The following DSCAM variants were observed in gnomAD, a reference collection of about 807,000 sequenced individuals.
DSCAM encodes cell adhesion molecule DSCAM.
DSCAM carries 47 observed loss-of-function variants against 217.7 expected under a neutral mutation model. The ratio of observed to expected loss-of-function variants is 0.22; its 90% CI spans 0.17 to 0.28. The LOEUF is 0.28. DSCAM is among the 10% of genes least tolerant of loss of function. The probability of loss-of-function intolerance (pLI) is 1.00; values close to 1 mark genes in which losing one functional copy is unlikely to be tolerated. For synonymous variants in DSCAM, 1,056 were observed against 1,015.3 expected (o/e 1.04, Z -0.76); for missense variants, 2,080 against 2,618.3 (o/e 0.79, Z 4.49).
At chr21:40,317,115 G>A (rs992009244) in intron 8 of DSCAM, among the ~76,000 whole-genome samples, 1 of 152,204 alleles carries the variant, frequency 6.6e-6, no homozygotes, top group Non-Finnish European at 1.5e-5. Flanking sequence ...CAGCCACAGG[G>A]CTATTTACTG....
rs761687929 is a variant in DSCAM, at chr21:40,602,053, C to CTTTT, written c.508+90753_508+90756dup. Among the ~76,000 whole-genome samples, 110 of 89,516 alleles carry CTTTT rather than the reference C, an allele frequency of 1.2e-3. 3 individuals are homozygous for CTTTT. The highest frequency in any genetic ancestry group is 2.9e-3 in the African/African-American group (60 of 20,620). The allele number at this position is 89,516 out of a possible 152,430, so 58.7% of individuals were successfully genotyped here. On this transcript the variant is annotated intron_variant, in intron 3 of 32. Coordinates refer to ENST00000400454, the MANE Select transcript of DSCAM (RefSeq NM_001389.5). ...TTAGCAAATGTTCCCTCTGCTTCTA[C>CTTTT]TTTTTTTTTTTTTTTTTTTTTTTTT...
chr21:40,443,708 G>A lies in DSCAM; in HGVS notation c.509-74463C>T, dbSNP rs1405119094. ...AAATTTTTAAAAAAGTAAAGGAAAG[G>A]TAATGTCCTCATAACAAACACTAGC... On this transcript the variant is annotated intron_variant, in intron 3 of 32. Coordinates refer to ENST00000400454, the MANE Select transcript of DSCAM (RefSeq NM_001389.5). 2.6e-5 allele frequency among the ~76,000 whole-genome samples: 4 copies of A among 152,136 alleles called. 1 individual carries two copies. The highest frequency in any genetic ancestry group is 9.7e-5 in the African/African-American group (4 of 41,418).
intron 3 of DSCAM, among the ~76,000 whole-genome samples, chr21:40,396,696 T>A (rs2075181969): frequency 6.6e-6 from 1 of 152,008 alleles, no homozygotes; most frequent in Non-Finnish European, 1.5e-5. Flanking sequence ...CTACTACTAC[T>A]ACTACCACCA....
intron 1 of DSCAM, among the ~76,000 whole-genome samples, chr21:40,822,244 G>C (rs146946020): frequency 7.0e-6 from 1 of 142,218 alleles, no homozygotes; most frequent in Non-Finnish European, 1.5e-5. Context: ...ACTTGAACCC[G>C]GGAAGCAGGG....
chr21:40,456,569 T>C lies in DSCAM; in HGVS notation c.509-87324A>G, dbSNP rs147000396. ...AGAAAATGAGGAAAGACCACTAATATTGAACTCTAGCTAACGATATGTATG... is the reference window on the plus strand; with the variant it reads ...AGAAAATGAGGAAAGACCACTAATACTGAACTCTAGCTAACGATATGTATG... On this transcript the variant is annotated intron_variant, in intron 3 of 32. Coordinates refer to ENST00000400454, the MANE Select transcript of DSCAM (RefSeq NM_001389.5). 6.8e-3 allele frequency among the ~76,000 whole-genome samples: 1,034 copies of C among 152,284 alleles called. 16 individuals are homozygous for C. The highest frequency in any genetic ancestry group is 0.023 in the African/African-American group (964 of 41,554).
intron 3 of DSCAM, among the ~76,000 whole-genome samples, chr21:40,599,284 C>T (rs1317903057): frequency 6.6e-6 from 1 of 152,018 alleles, no homozygotes; most frequent in East Asian, 1.9e-4. Flanking sequence ...GTACATGTAC[C>T]ATGGTGGTTT....
chr21:40,218,754 G>A (rs112603794), intron 11 of DSCAM, among the ~76,000 whole-genome samples: 79 of 152,224 alleles, frequency 5.2e-4, no homozygotes, highest in African/African-American at 1.8e-3. Context: ...TTTTGTGGCT[G>A]TGAATGGGAT....
chr21:40,589,291 A>ATT (rs1168880717), intron 3 of DSCAM, among the ~76,000 whole-genome samples: 3 of 152,188 alleles, frequency 2.0e-5, no homozygotes, highest in African/African-American at 7.2e-5. Context: ...AAAACTAATA[A>ATT]ATTAGTTCGG....
chr21:40,469,436 C>T (rs1271548520), intron 3 of DSCAM, among the ~76,000 whole-genome samples: 1 of 152,060 alleles, frequency 6.6e-6, no homozygotes, highest in African/African-American at 2.4e-5. Flanking sequence ...TAGAGGGGCT[C>T]CTGGAGCTGT....
chr21:40,328,594 C>T (rs8127565), intron 8 of DSCAM, among the ~76,000 whole-genome samples: 6,984 of 151,994 alleles, frequency 0.046, 492 homozygotes, highest in African/African-American at 0.16. Context: ...TGGTTATTAC[C>T]CCAAAAGCAT....
intron 3 of DSCAM, among the ~76,000 whole-genome samples, chr21:40,477,010 T>C (rs1481266235): frequency 6.6e-6 from 1 of 152,202 alleles, no homozygotes; most frequent in Non-Finnish European, 1.5e-5. Context: ...TGCATGAAAT[T>C]TGGAATATTT....
intron 3 of DSCAM, among the ~76,000 whole-genome samples, chr21:40,674,048 G>A (rs2090308363): frequency 6.6e-6 from 1 of 152,208 alleles, no homozygotes; most frequent in South Asian, 2.1e-4. Flanking sequence ...CATTCGTGCT[G>A]CATGGAACTG....
intron 11 of DSCAM, among the ~76,000 whole-genome samples, chr21:40,217,373 C>G (rs970408232): frequency 4.7e-4 from 72 of 152,290 alleles, no homozygotes; most frequent in African/African-American, 1.7e-3. Flanking sequence ...CAACATAATA[C>G]TACATATATG....
chr21:40,825,243 G>A (rs1308689935), intron 1 of DSCAM, among the ~76,000 whole-genome samples: 2 of 151,454 alleles, frequency 1.3e-5, no homozygotes, highest in African/African-American at 4.9e-5. Flanking sequence ...GTGCATATAG[G>A]TGTTCAGTGA....
intron 1 of DSCAM, among the ~76,000 whole-genome samples, chr21:40,800,252 T>C (rs2091727851): frequency 6.6e-6 from 1 of 152,178 alleles, no homozygotes; most frequent in Non-Finnish European, 1.5e-5. Flanking sequence ...AATTACCCAG[T>C]TTCAGGCATT....
chr21:40,303,179 C>T (rs1358927783), intron 9 of DSCAM, among the ~76,000 whole-genome samples: 1 of 152,122 alleles, frequency 6.6e-6, no homozygotes, highest in South Asian at 2.1e-4. Context: ...ACGACACTGA[C>T]AATTAAACCT....
chr21:40,560,253 A>G (rs1280902943), intron 3 of DSCAM, among the ~76,000 whole-genome samples: 1 of 152,206 alleles, frequency 6.6e-6, no homozygotes, highest in Non-Finnish European at 1.5e-5. Context: ...GCTCCAGGAA[A>G]TTAGTTGCCC....
intron 3 of DSCAM, among the ~76,000 whole-genome samples, chr21:40,378,917 C>G (rs1352749579): frequency 6.6e-6 from 1 of 151,448 alleles, no homozygotes; most frequent in Admixed American, 6.6e-5. Context: ...ATACATAAAC[C>G]TGAATGCCAA....
At chr21:40,085,480 T>C (rs952193973) in intron 23 of DSCAM, 122 bp downstream of exon 23, 1 of 883,884 alleles carries the variant, frequency 1.1e-6, no homozygotes, top group South Asian at 4.1e-5. Flanking sequence ...TCTTTTTCTG[T>C]AATATGGAAA....
Sources: allele counts gnomAD v4.1 joint callset (sites outside exome capture counted in the v4.1 genomes callset), GRCh38; gene constraint gnomAD v4.1.1; transcripts MANE v1.5; gene names NCBI Gene and HGNC (gene_info 2026-07-23, HGNC 2026-07-21).